CLSTN2: variants seen among roughly 807,000 people sequenced by gnomAD.
The protein encoded by CLSTN2 is calsyntenin-2.
A neutral mutation model predicts 101.2 loss-of-function variants in CLSTN2; 48 were observed. That is an observed-to-expected ratio of 0.47 (90% CI 0.38 to 0.60). The LOEUF (loss-of-function observed/expected upper bound fraction) is 0.60. CLSTN2 is among the 20% of genes least tolerant of loss of function. CLSTN2 has a pLI of 0.00. For synonymous variants in CLSTN2, 481 were observed against 463.6 expected (o/e 1.04, Z -0.48); for missense variants, 1,160 against 1,238.2 (o/e 0.94, Z 0.95).
chr3:140,283,385 G>A (rs1169514086), intron 2 of CLSTN2, among the ~76,000 whole-genome samples: 1 of 152,156 alleles, frequency 6.6e-6, no homozygotes, highest in African/African-American at 2.4e-5. Context: ...TAGTACACCT[G>A]TGCAATCACG....
intron 1 of CLSTN2, among the ~76,000 whole-genome samples, chr3:140,054,621 A>G (rs1209906634): frequency 3.9e-5 from 6 of 152,232 alleles, no homozygotes; most frequent in Admixed American, 2.6e-4. Context: ...CTGCTAGCCA[A>G]GTGAGGAGAC....
intron 1 of CLSTN2, among the ~76,000 whole-genome samples, chr3:140,105,635 A>T (rs1446900731): frequency 6.6e-6 from 1 of 152,198 alleles, no homozygotes; most frequent in African/African-American, 2.4e-5. Flanking sequence ...ATGCAGACTT[A>T]TTACTGGGGA....
In CLSTN2 at chr3:140,135,115, CACATATATATATATATATAT is replaced by C. The variant is rs1410301723; in HGVS notation, c.110-40834_110-40815del. 4.4e-3 allele frequency among the ~76,000 whole-genome samples: 229 copies of C among 52,044 alleles called. 2 individuals are homozygous for C. Among genetic ancestry groups the C allele is most frequent in the Middle Eastern group, 0.019 (2 of 108 alleles). The allele number at this position is 52,044 out of a possible 152,430, so 34.1% of individuals were successfully genotyped here. On this transcript the variant is annotated intron_variant, in intron 1 of 16. Coordinates refer to ENST00000458420, the MANE Select transcript of CLSTN2 (RefSeq NM_022131.3). ...ACACACACACACACACACACACACA[CACATATATATATATATATAT>C]ATATATATATATATATATATATATA... is the stretch of plus-strand genomic sequence containing the variant.
chr3:140,517,920 G>A (rs1559892140), intron 8 of CLSTN2, among the ~76,000 whole-genome samples: 1 of 152,164 alleles, frequency 6.6e-6, no homozygotes, highest in Non-Finnish European at 1.5e-5. Flanking sequence ...GGCTACCAGG[G>A]CAGGTAGAGA....
intron 9 of CLSTN2, among the ~76,000 whole-genome samples, chr3:140,535,054 T>C (rs1935332269): frequency 6.6e-6 from 1 of 152,216 alleles, no homozygotes. Context: ...TGTGGAGACC[T>C]ATATACTAAT....
At chr3:140,355,712 C>T (rs756893336) in intron 2 of CLSTN2, among the ~76,000 whole-genome samples, 1 of 152,234 alleles carries the variant, frequency 6.6e-6, no homozygotes, top group African/African-American at 2.4e-5. Context: ...CATAGCACCT[C>T]GCATTCCCAG....
At chr3:140,490,606 A>AAAC (rs1205032755) in intron 8 of CLSTN2, among the ~76,000 whole-genome samples, 7 of 151,594 alleles carry the variant, frequency 4.6e-5, no homozygotes, top group Non-Finnish European at 1.0e-4. Flanking sequence ...GAAAAAAAAA[A>AAAC]AAAAAAAAAA....
chr3:139,943,346 T>C (rs532830176), intron 1 of CLSTN2, among the ~76,000 whole-genome samples: 1 of 152,252 alleles, frequency 6.6e-6, no homozygotes, highest in Non-Finnish European at 1.5e-5. Flanking sequence ...TGACCCCCTC[T>C]CCAACCCTCC....
chr3:140,181,487 T>C (rs1303715795), intron 2 of CLSTN2, among the ~76,000 whole-genome samples: 5 of 152,316 alleles, frequency 3.3e-5, no homozygotes, highest in South Asian at 2.1e-4. Flanking sequence ...CACCCATTTG[T>C]ACTGTCAAGG....
In CLSTN2 at chr3:140,207,058, G is replaced by A. The variant is rs1332830145; in HGVS notation, c.232+30985G>A. ...CTTACTGTATACCCAGAGCCTATGG[G>A]GATGTCAGGAAGATTCTGACTCCTT... On this transcript the variant is annotated intron_variant, in intron 2 of 16. Transcript: ENST00000458420. Among the ~76,000 whole-genome samples the A allele has an allele frequency of 2.0e-5, 3 of 152,234 alleles. No homozygotes were observed. In the East Asian group the frequency reaches 5.8e-4, roughly 29 times the overall value.
At chr3:140,482,907 T>G (rs1934151339) in intron 8 of CLSTN2, among the ~76,000 whole-genome samples, 1 of 152,214 alleles carries the variant, frequency 6.6e-6, no homozygotes, top group Admixed American at 6.5e-5. Flanking sequence ...CTGGATTCAT[T>G]GATTTTTTGA....
intron 8 of CLSTN2, among the ~76,000 whole-genome samples, chr3:140,474,786 G>A (rs972677077): frequency 1.3e-5 from 2 of 152,086 alleles, no homozygotes; most frequent in Non-Finnish European, 2.9e-5. Flanking sequence ...CCTTTTCCAA[G>A]GCTGCAGGAG....
chr3:140,521,906 C>T (rs555354934), intron 8 of CLSTN2, among the ~76,000 whole-genome samples: 24 of 152,250 alleles, frequency 1.6e-4, no homozygotes, highest in African/African-American at 2.2e-4. Flanking sequence ...GGATAGAGCC[C>T]GCCTCCTAGG....
intron 2 of CLSTN2, among the ~76,000 whole-genome samples, chr3:140,288,446 A>G (rs947746596): frequency 1.3e-5 from 2 of 152,122 alleles, no homozygotes; most frequent in African/African-American, 4.8e-5. Flanking sequence ...TTCTATTGCA[A>G]TCACTAAACA....
chr3:140,466,769 T>C (rs768674238), intron 8 of CLSTN2, 38 bp downstream of exon 8: 4 of 1,612,336 alleles, frequency 2.5e-6, no homozygotes, highest in South Asian at 1.1e-5. Context: ...TACTCATGCC[T>C]CTGCGGGGGT....
At chr3:140,519,621 T>A (rs182430852) in intron 8 of CLSTN2, among the ~76,000 whole-genome samples, 1 of 152,232 alleles carries the variant, frequency 6.6e-6, no homozygotes, top group African/African-American at 2.4e-5. Context: ...TGGTTTAAAC[T>A]AGGATTGTGA....
At chr3:140,456,413 T>C (rs913636788) in intron 6 of CLSTN2, among the ~76,000 whole-genome samples, 25 of 152,194 alleles carry the variant, frequency 1.6e-4, no homozygotes, top group African/African-American at 5.8e-4. Flanking sequence ...AAAAAGCATG[T>C]GTAAGGCTCT....
chr3:140,435,940 T>C (rs2088681805), intron 5 of CLSTN2, among the ~76,000 whole-genome samples: 1 of 152,170 alleles, frequency 6.6e-6, no homozygotes, highest in African/African-American at 2.4e-5. Flanking sequence ...TCCTGTAGAG[T>C]TGTTTGAATT....
At chr3:140,547,484 GGAA>G (rs906830156) in intron 10 of CLSTN2, among the ~76,000 whole-genome samples, 35 of 151,606 alleles carry the variant, frequency 2.3e-4, no homozygotes, top group African/African-American at 7.3e-4. Context: ...AAAAAAAAGA[GGAA>G]GAAGAAGAAG....
Sources: allele counts gnomAD v4.1 joint callset (sites outside exome capture counted in the v4.1 genomes callset), GRCh38; gene constraint gnomAD v4.1.1; transcripts MANE v1.5; gene names NCBI Gene and HGNC (gene_info 2026-07-23, HGNC 2026-07-21).